KCNH8: variants seen among roughly 807,000 people sequenced by gnomAD.
The protein encoded by KCNH8 is potassium voltage-gated channel subfamily H member 8.
Under a neutral mutation model 103.6 loss-of-function variants are expected in KCNH8, and 70 were observed. The ratio of observed to expected loss-of-function variants is 0.68; its 90% CI spans 0.56 to 0.82. The LOEUF (loss-of-function observed/expected upper bound fraction) is 0.82. Ranked by LOEUF, KCNH8 falls within the 40% of genes least tolerant of loss-of-function variation. The pLI, the probability that KCNH8 is intolerant of heterozygous loss-of-function variation, is 0.00. For missense variants in KCNH8, 1,217 were observed against 1,329.9 expected, an observed-to-expected ratio of 0.92 and a Z score of 1.32; for synonymous variants, 498 against 489.4, an observed-to-expected ratio of 1.02 and a Z score of -0.23.
In KCNH8 at chr3:19,154,262, T is replaced by C. The variant is rs148890393; in HGVS notation, c.76+5467T>C. The stretch of plus-strand genomic sequence containing the variant: ...AATTTGCCATTTTGTACAGTACTTG[T>C]CATTGAGGCTGGAAAGAGCCTTTAG... On this transcript the variant is annotated intron_variant, in intron 1 of 15. Transcript: ENST00000328405. Among the ~76,000 whole-genome samples, 13 of 152,272 alleles carry C rather than the reference T, an allele frequency of 8.5e-5. No individual in the cohort carries two copies. The East Asian group carries it at 2.5e-3, about 29-fold the overall frequency.
rs564305875 is a variant in KCNH8, at chr3:19,246,679, C to T, written c.77-6975C>T. On this transcript the variant is annotated intron_variant, in intron 1 of 15. Transcript: ENST00000328405. ...TCTCTCTTATTTTTTTATCCTCAGC[C>T]GCATACTCCTTCAATCATTTACTGT... is the stretch of plus-strand genomic sequence containing the variant. Among the ~76,000 whole-genome samples, 242 of 152,090 alleles carry T rather than the reference C, an allele frequency of 1.6e-3. 1 individual carries two copies. Among genetic ancestry groups the T allele is most frequent in the African/African-American group, 4.3e-3 (180 of 41,494 alleles).
chr3:19,400,826 C>A (rs1476626292), intron 7 of KCNH8, among the ~76,000 whole-genome samples: 4 of 151,810 alleles, frequency 2.6e-5, no homozygotes, highest in Non-Finnish European at 5.9e-5. Flanking sequence ...AAAAAATGAC[C>A]AGGCTTATGA....
At chr3:19,346,225 C>A (rs1029588656) in intron 4 of KCNH8, among the ~76,000 whole-genome samples, 1 of 151,900 alleles carries the variant, frequency 6.6e-6, no homozygotes, top group Non-Finnish European at 1.5e-5. Context: ...ACCTTAATTC[C>A]CTCTTCCAAT....
Position 19,194,803 on chromosome 3 carries a change from G to T in KCNH8, c.76+46008G>T, listed in dbSNP as rs183809367. 2.4e-3 allele frequency among the ~76,000 whole-genome samples: 369 copies of T among 151,904 alleles called. 1 individual carries two copies. The highest frequency in any genetic ancestry group is 8.1e-3 in the African/African-American group (336 of 41,466). ...AATATAAGCTAAAAAACAAGAGAAG[G>T]TCGTAATACAGTGTTTCATTTTAAA... is the stretch of plus-strand genomic sequence containing the variant. On this transcript the variant is annotated intron_variant, in intron 1 of 15. Coordinates refer to ENST00000328405, the MANE Select transcript of KCNH8 (RefSeq NM_144633.3).
intron 1 of KCNH8, among the ~76,000 whole-genome samples, chr3:19,206,951 G>A (rs376102884): frequency 2.6e-5 from 4 of 151,996 alleles, no homozygotes; most frequent in Non-Finnish European, 4.4e-5. Flanking sequence ...AGGAAATCAC[G>A]GGTTTGGTTT....
At chr3:19,181,766 A>G (rs1027862413) in intron 1 of KCNH8, among the ~76,000 whole-genome samples, 1 of 152,190 alleles carries the variant, frequency 6.6e-6, no homozygotes, top group Non-Finnish European at 1.5e-5. Flanking sequence ...GATTATTAGC[A>G]TACATATTCA....
chr3:19,239,664 AT>A (rs2064111676), intron 1 of KCNH8, among the ~76,000 whole-genome samples: 1 of 151,674 alleles, frequency 6.6e-6, no homozygotes, highest in African/African-American at 2.4e-5. Context: ...CTATCTATCT[AT>A]CTATCTATCT....
At chr3:19,496,297 T>G (rs1242625232) in intron 11 of KCNH8, among the ~76,000 whole-genome samples, 1 of 152,220 alleles carries the variant, frequency 6.6e-6, no homozygotes, top group East Asian at 1.9e-4. Context: ...TGCTTCTAGC[T>G]TTTGCCCATT....
chr3:19,256,211 T>A (rs2064344368), intron 2 of KCNH8, among the ~76,000 whole-genome samples: 1 of 152,062 alleles, frequency 6.6e-6, no homozygotes, highest in Admixed American at 6.6e-5. Context: ...GGAAATGTCA[T>A]CCCCTTTTGT....
chr3:19,210,956 A>G (rs1057089722), intron 1 of KCNH8, among the ~76,000 whole-genome samples: 1 of 152,180 alleles, frequency 6.6e-6, no homozygotes, highest in Non-Finnish European at 1.5e-5. Context: ...ACTATCCAAT[A>G]TTCAAATATT....
intron 4 of KCNH8, among the ~76,000 whole-genome samples, chr3:19,344,935 A>G (rs371283505): frequency 6.6e-6 from 1 of 152,042 alleles, no homozygotes; most frequent in Non-Finnish European, 1.5e-5. Flanking sequence ...CCAACCTTTA[A>G]TCTTCTAATT....
chr3:19,303,285 A>G (rs1423462422), intron 3 of KCNH8, among the ~76,000 whole-genome samples: 1 of 152,206 alleles, frequency 6.6e-6, no homozygotes, highest in Non-Finnish European at 1.5e-5. Flanking sequence ...TGAAACAACC[A>G]TGAGGAAATT....
intron 3 of KCNH8, among the ~76,000 whole-genome samples, chr3:19,325,694 G>A (rs1480790564): frequency 6.6e-6 from 1 of 152,170 alleles, no homozygotes; most frequent in Non-Finnish European, 1.5e-5. Flanking sequence ...ACAGATGTTG[G>A]TGATGTTATG....
At chr3:19,395,039 A>G in intron 6 of KCNH8, 65 bp from the exon 7 acceptor site, 1 of 1,146,590 alleles carries the variant, frequency 8.7e-7, no homozygotes, top group Non-Finnish European at 1.3e-6. Context: ...GAATGGCTCC[A>G]AGTTAATGTT....
At chr3:19,396,515 AT>A (rs2066521005) in intron 7 of KCNH8, among the ~76,000 whole-genome samples, 1 of 152,054 alleles carries the variant, frequency 6.6e-6, no homozygotes, top group African/African-American at 2.4e-5. Flanking sequence ...TTATCTTAGA[AT>A]GTTTTTCTTA....
At chr3:19,219,729 C>T (rs1016118150) in intron 1 of KCNH8, among the ~76,000 whole-genome samples, 1 of 152,154 alleles carries the variant, frequency 6.6e-6, no homozygotes, top group Non-Finnish European at 1.5e-5. Context: ...TCAAAGCATT[C>T]TCTTCCTACA....
chr3:19,529,780 A>T (rs2069128900), intron 15 of KCNH8, among the ~76,000 whole-genome samples: 1 of 152,100 alleles, frequency 6.6e-6, no homozygotes, highest in Non-Finnish European at 1.5e-5. Flanking sequence ...TACTTAACAC[A>T]ATTAATTCCC....
intron 3 of KCNH8, among the ~76,000 whole-genome samples, chr3:19,290,575 C>A (rs1466139406): frequency 6.6e-6 from 1 of 152,178 alleles, no homozygotes; most frequent in African/African-American, 2.4e-5. Flanking sequence ...GTTGAACCAG[C>A]CTTGCATCCC....
intron 5 of KCNH8, among the ~76,000 whole-genome samples, chr3:19,382,948 C>T (rs375834159): frequency 6.6e-6 from 1 of 152,098 alleles, no homozygotes; most frequent in East Asian, 1.9e-4. Context: ...AGATCCACAT[C>T]TTGTCATATG....
Sources: allele counts gnomAD v4.1 joint callset (sites outside exome capture counted in the v4.1 genomes callset), GRCh38; gene constraint gnomAD v4.1.1; transcripts MANE v1.5; gene names NCBI Gene and HGNC (gene_info 2026-07-23, HGNC 2026-07-21).